Variants in RIF1 observed in about 807,000 individuals in gnomAD.
RIF1 encodes telomere-associated protein RIF1.
Under a neutral mutation model 247.1 loss-of-function variants are expected in RIF1, and 45 were observed. The observed-to-expected ratio is 0.18, with a 90% CI of 0.14 to 0.23. The LOEUF (loss-of-function observed/expected upper bound fraction) is 0.23, where lower values mean the gene tolerates loss of function less well. Ranked by LOEUF, RIF1 falls within the 10% of genes least tolerant of loss-of-function variation. The probability of loss-of-function intolerance (pLI) is 1.00; values close to 1 mark genes in which losing one functional copy is unlikely to be tolerated. For synonymous variants in RIF1, 1,087 were observed against 978.8 expected, an observed-to-expected ratio of 1.11 and a Z score of -2.06; for missense variants, 2,967 against 2,862.5, an observed-to-expected ratio of 1.04 and a Z score of -0.83.
intron 9 of RIF1, among the ~76,000 whole-genome samples, chr2:151,431,385 T>C (rs923465946): frequency 2.0e-5 from 3 of 152,340 alleles, no homozygotes; most frequent in Middle Eastern, 3.4e-3. Context: ...AGTCAAAAAT[T>C]GGGCACCCAT....
intron 10 of RIF1, 79 bp downstream of exon 10, chr2:151,433,307 G>C: frequency 8.4e-7 from 1 of 1,191,812 alleles, no homozygotes; most frequent in Non-Finnish European, 1.2e-6. Flanking sequence ...TAATCCTGTG[G>C]TGTTATTTTT....
At chr2:151,462,163 G>GT (rs1489091558) in intron 27 of RIF1, 79 bp from the exon 28 acceptor site, 16 of 1,013,512 alleles carry the variant, frequency 1.6e-5, no homozygotes, top group Non-Finnish European at 2.3e-5. Flanking sequence ...GTGAGCCACC[G>GT]TACCTGGCCA....
intron 9 of RIF1, chr2:151,490,546 T>C: frequency 6.2e-7 from 1 of 1,602,354 alleles, no homozygotes; most frequent in Non-Finnish European, 8.5e-7. Flanking sequence ...GGGGGAGATG[T>C]AGCAAACATG....
At chr2:151,412,100 C>A (rs1686341085) in intron 3 of RIF1, among the ~76,000 whole-genome samples, 1 of 152,150 alleles carries the variant, frequency 6.6e-6, no homozygotes, top group East Asian at 1.9e-4. Flanking sequence ...GTTTTTGCTA[C>A]AACCGTTATC....
At position 151,469,412 on chromosome 2, in the gene RIF1, A is replaced by G. The variant is rs1339324416; in HGVS notation, c.6942-299A>G. ...AATATGTATCAGACATACCAAGTCC[A>G]TTTCTGATTAAAGTTGGGGAGGGGA... On this transcript the variant is annotated intron_variant, in intron 33 of 35. Transcript: ENST00000444746. 5.3e-5 allele frequency among the ~76,000 whole-genome samples: 8 copies of G among 152,154 alleles called. No individual in the cohort carries two copies. The East Asian group carries it at 1.3e-3, about 26-fold the overall frequency.
intron 7 of RIF1, among the ~76,000 whole-genome samples, chr2:151,421,909 A>T (rs1573893165): frequency 6.6e-6 from 1 of 150,882 alleles, no homozygotes; most frequent in Non-Finnish European, 1.5e-5. Context: ...GTCTCAGCTC[A>T]CTGCAGCTTC....
chr2:151,446,030 C>G (rs1018533910), intron 19 of RIF1, among the ~76,000 whole-genome samples: 1 of 152,102 alleles, frequency 6.6e-6, no homozygotes, highest in Non-Finnish European at 1.5e-5. Flanking sequence ...TATTTTGAGA[C>G]AGTTTCACTC....
chr2:151,505,132 T>C (rs2067800834), intron 12 of RIF1, among the ~76,000 whole-genome samples: 1 of 152,194 alleles, frequency 6.6e-6, no homozygotes, highest in African/African-American at 2.4e-5. Context: ...GTATATGCTT[T>C]TAGTTAAATT....
At chr2:151,418,917 T>A (rs1361188212) in intron 6 of RIF1, among the ~76,000 whole-genome samples, 2 of 151,150 alleles carry the variant, frequency 1.3e-5, no homozygotes, top group African/African-American at 2.4e-5. Context: ...AACATACAAT[T>A]GTGCAAACAT....
intron 9 of RIF1, chr2:151,493,441 A>G (rs772858357): frequency 3.1e-6 from 5 of 1,591,336 alleles, no homozygotes; most frequent in African/African-American, 1.4e-5. Context: ...CTCTTTGTAC[A>G]ATACCTAGGG....
intron 4 of RIF1, among the ~76,000 whole-genome samples, chr2:151,415,563 C>CAAAAAAAAAAAAA (rs3040729): frequency 2.2e-5 from 1 of 44,872 alleles, no homozygotes; most frequent in Non-Finnish European, 3.7e-5. Context: ...GACTCTGTCT[C>CAAAAAAAAAAAAA]AAAAAAAAAA....
chr2:151,466,668 A>C (rs1696952213), intron 30 of RIF1, among the ~76,000 whole-genome samples: 1 of 152,246 alleles, frequency 6.6e-6, no homozygotes, highest in Non-Finnish European at 1.5e-5. Flanking sequence ...GATTATCTAT[A>C]TATCTGCTTT....
At chr2:151,474,134 G>A in intron 35 of RIF1, 62 bp downstream of exon 35, 1 of 807,446 alleles carries the variant, frequency 1.2e-6, no homozygotes, top group South Asian at 1.5e-5. Context: ...CTTGAAATAT[G>A]TTATTTTTTT....
downstream of RIF1, chr2:151,512,976 AT>A: frequency 1.5e-6 from 1 of 651,762 alleles, no homozygotes; most frequent in Non-Finnish European, 2.7e-6. Context: ...ATTTCTTCCT[AT>A]TTTGTTCATA....
chr2:151,507,265 A>AAGAT (rs1419115757), intron 13 of RIF1, among the ~76,000 whole-genome samples: 1 of 152,232 alleles, frequency 6.6e-6, no homozygotes, highest in Non-Finnish European at 1.5e-5. Flanking sequence ...AACTTTGAAA[A>AAGAT]AGATAGATGT....
Position 151,446,496 on chromosome 2 carries a change from T to C in RIF1, c.2165T>C (p.Val722Ala). ...GCATTTGCTCGTTGTGCTGCTTTGG[T>C]GGCAACAGCAGAAGAGAACTTGTGC... The part of the protein sequence containing the change: ...YRAFARCAAL[V>A]ATAEENLCCE... The change falls in exon 20 of 36, where the codon GTG (valine) becomes GCG (alanine). Residue 722 changes from valine to alanine, a missense_variant. By Grantham distance (64) the Val-to-Ala change is moderately conservative. Around this residue, in one of 7 missense-constraint regions of RIF1, gnomAD observed 76 missense variants for 113.3 expected, o/e 0.67. Transcript: ENST00000444746. 1 of 1,613,880 alleles carries C rather than the reference T, an allele frequency of 6.2e-7. No individual in the cohort carries two copies. The highest frequency in any genetic ancestry group is 8.5e-7 in the Non-Finnish European group (1 of 1,179,904).
chr2:151,457,066 C>T (rs1426016548), intron 23 of RIF1, among the ~76,000 whole-genome samples: 1 of 151,798 alleles, frequency 6.6e-6, no homozygotes, highest in Non-Finnish European at 1.5e-5. Flanking sequence ...TTTAATAACA[C>T]CATATGAACA....
In RIF1 at chr2:151,498,051, A is replaced by ATTTT. The variant is rs1321647008; in HGVS notation, c.*514-1292_*514-1289dup. On this transcript the variant is annotated intron_variant and NMD_transcript_variant, in intron 10 of 13. Transcript: ENST00000454583. The stretch of plus-strand genomic sequence containing the variant: ...ATCCACACAAATGGAAACATTCATT[A>ATTTT]TTTTTAAAACATGTTTGTTTGTAAA... The ATTTT allele has an allele frequency of 5.5e-6, 8 of 1,450,090 alleles. 1 individual carries two copies. The East Asian group carries it at 1.7e-4, about 32-fold the overall frequency. 89.8% of individuals were successfully genotyped at this position (1,450,090 alleles called of 1,614,324 possible). A position where few individuals can be genotyped will look rare whatever the true frequency, so the allele number is the denominator to read the frequency against.
At chr2:151,473,937 T>G in intron 34 of RIF1, 27 bp from the exon 35 acceptor site, 1 of 1,246,372 alleles carries the variant, frequency 8.0e-7, no homozygotes, top group South Asian at 1.2e-5. Context: ...TTGTTTTGCG[T>G]TTTTTTCTGC....
Sources: allele counts gnomAD v4.1 joint callset (sites outside exome capture counted in the v4.1 genomes callset), GRCh38; gene constraint gnomAD v4.1.1; regional missense constraint gnomAD v4.1.1; transcripts MANE v1.5; gene names NCBI Gene and HGNC (gene_info 2026-07-23, HGNC 2026-07-21).